TBC1D5: variants seen among roughly 807,000 people sequenced by gnomAD.
TBC1D5 encodes TBC1 domain family, member 5.
A neutral mutation model predicts 100.3 loss-of-function variants in TBC1D5; 75 were observed. The observed-to-expected ratio is 0.75, with a 90% CI of 0.62 to 0.91. The LOEUF is 0.91. TBC1D5 is among the 40% of genes least tolerant of loss of function. TBC1D5 has a pLI of 0.00. For missense variants in TBC1D5, 910 were observed against 942.4 expected (o/e 0.97, Z 0.45); for synonymous variants, 323 against 325.6 (o/e 0.99, Z 0.09).
At chr3:17,696,872 C>T (rs1205543332) in intron 1 of TBC1D5, among the ~76,000 whole-genome samples, 3 of 152,092 alleles carry the variant, frequency 2.0e-5, no homozygotes, top group African/African-American at 7.2e-5. Context: ...ACTGGCAAAC[C>T]GAATCCAGCA....
At chr3:17,723,049 T>C (rs2075830706) in intron 1 of TBC1D5, among the ~76,000 whole-genome samples, 1 of 152,120 alleles carries the variant, frequency 6.6e-6, no homozygotes, top group African/African-American at 2.4e-5. Context: ...GGTCATTCAG[T>C]ACAAAAAATA....
intron 13 of TBC1D5, among the ~76,000 whole-genome samples, chr3:17,361,314 T>C (rs17043494): frequency 0.4 from 60,812 of 151,718 alleles, 12,865 homozygotes; most frequent in Middle Eastern, 0.5. Context: ...CATTTTAAAG[T>C]AGATTTAGAT....
At chr3:17,367,663 T>C (rs2092234710) in intron 13 of TBC1D5, among the ~76,000 whole-genome samples, 1 of 151,986 alleles carries the variant, frequency 6.6e-6, no homozygotes, top group African/African-American at 2.4e-5. Flanking sequence ...GTTTGAGACC[T>C]GCCTATCCAA....
At chr3:17,602,184 C>G (rs183518163) in intron 2 of TBC1D5, among the ~76,000 whole-genome samples, 1 of 152,300 alleles carries the variant, frequency 6.6e-6, no homozygotes, top group Admixed American at 6.5e-5. Flanking sequence ...AACCTTTATA[C>G]AACACGACAA....
intron 2 of TBC1D5, among the ~76,000 whole-genome samples, chr3:17,556,063 C>T (rs2096517239): frequency 6.6e-6 from 1 of 152,010 alleles, no homozygotes; most frequent in South Asian, 2.1e-4. Context: ...CGCTCTGTCA[C>T]CCAGGCAGTG....
chr3:17,265,956 A>T (rs1407793941), intron 15 of TBC1D5, among the ~76,000 whole-genome samples: 2 of 152,078 alleles, frequency 1.3e-5, no homozygotes, highest in African/African-American at 4.8e-5. Flanking sequence ...GTAATTATCT[A>T]AAAAAGATAA....
At chr3:17,279,830 G>T (rs1306356759) in intron 15 of TBC1D5, among the ~76,000 whole-genome samples, 1 of 152,136 alleles carries the variant, frequency 6.6e-6, no homozygotes, top group African/African-American at 2.4e-5. Flanking sequence ...GCTTCCTAAG[G>T]TGCTTCTTTT....
chr3:17,457,716 C>G (rs559308962), intron 3 of TBC1D5, among the ~76,000 whole-genome samples: 25 of 151,298 alleles, frequency 1.7e-4, no homozygotes, highest in African/African-American at 3.6e-4. Context: ...TTTTCTTGCG[C>G]GTTCATATGC....
intron 13 of TBC1D5, among the ~76,000 whole-genome samples, chr3:17,367,869 G>A (rs966012702): frequency 2.0e-5 from 3 of 151,154 alleles, no homozygotes; most frequent in Non-Finnish European, 1.5e-5. Flanking sequence ...AAAAAAAAAA[G>A]AAAAAAGATG....
At chr3:17,207,067 T>C (rs11709781) in intron 18 of TBC1D5, among the ~76,000 whole-genome samples, 3,226 of 152,268 alleles carry the variant, frequency 0.021, 81 homozygotes, top group Non-Finnish European at 0.028. Context: ...CCCAAGTAGC[T>C]GGGACTACAG....
intron 4 of TBC1D5, among the ~76,000 whole-genome samples, chr3:17,423,842 G>C (rs1238618342): frequency 2.6e-5 from 4 of 152,038 alleles, no homozygotes; most frequent in Non-Finnish European, 4.4e-5. Context: ...ACAAAACTAA[G>C]ATGAGGTACA....
chr3:17,508,537 G>C, exon 3 of TBC1D5: 3 of 1,613,744 alleles, frequency 1.9e-6, no homozygotes, highest in East Asian at 2.2e-5. Context: ...TCTGGCTGCA[G>C]AGGATGTCTA....
chr3:17,351,431 G>A lies in TBC1D5; in HGVS notation c.995+20644C>T, dbSNP rs560751138. ...AGAATGAGTTCATGTCCTTTTCAGC[G>A]ACATGGATGAGGCTGGAAACCATCA... On this transcript the variant is annotated intron_variant, in intron 13 of 21. Transcript: ENST00000253692. Among the ~76,000 whole-genome samples the A allele has an allele frequency of 5.9e-5, 9 of 152,218 alleles. No individual in the cohort carries two copies. In the South Asian group the frequency reaches 1.0e-3, roughly 18 times the overall value.
chr3:17,428,358 A>G (rs1436686027), intron 4 of TBC1D5, 92 bp downstream of exon 4: 1 of 400,162 alleles, frequency 2.5e-6, no homozygotes, highest in Non-Finnish European at 3.8e-6. Context: ...AAAACCCTAT[A>G]TAATTATATA....
chr3:17,649,225 CA>C (rs1372145969), intron 1 of TBC1D5, among the ~76,000 whole-genome samples: 2 of 152,062 alleles, frequency 1.3e-5, no homozygotes, highest in Non-Finnish European at 2.9e-5. Context: ...AATTAACGCA[CA>C]ACAGAAAACC....
chr3:17,604,680 G>A (rs902335327), intron 2 of TBC1D5, among the ~76,000 whole-genome samples: 4 of 152,104 alleles, frequency 2.6e-5, no homozygotes, highest in Admixed American at 1.3e-4. Flanking sequence ...TAAGAACCAT[G>A]ATTTTTTGGT....
intron 2 of TBC1D5, among the ~76,000 whole-genome samples, chr3:17,530,242 TCAA>T (rs2096202318): frequency 1.2e-5 from 1 of 86,906 alleles, no homozygotes; most frequent in Non-Finnish European, 2.0e-5. Context: ...AGACTTCGTC[TCAA>T]AAAAAAAAAA....
intron 15 of TBC1D5, among the ~76,000 whole-genome samples, chr3:17,290,475 A>C (rs2081614156): frequency 6.6e-6 from 1 of 152,228 alleles, no homozygotes; most frequent in African/African-American, 2.4e-5. Flanking sequence ...CTTCAATTAA[A>C]ACAAATCATG....
At chr3:17,607,833 C>T (rs2061432895) in intron 2 of TBC1D5, among the ~76,000 whole-genome samples, 1 of 152,002 alleles carries the variant, frequency 6.6e-6, no homozygotes, top group Non-Finnish European at 1.5e-5. Flanking sequence ...TTTAGGCAAC[C>T]CATTAGGAGC....
Sources: allele counts gnomAD v4.1 joint callset (sites outside exome capture counted in the v4.1 genomes callset), GRCh38; gene constraint gnomAD v4.1.1; transcripts MANE v1.5; gene names NCBI Gene and HGNC (gene_info 2026-07-23, HGNC 2026-07-21).